The following PYROXD1 variants were observed in gnomAD, a reference collection of about 807,000 sequenced individuals.
PYROXD1 encodes the protein pyridine nucleotide-disulphide oxidoreductase domain 1, also known as tRNA ligase complex-associated NAD(P)H dehydrogenase PYROXD1.
A neutral mutation model predicts 62.0 loss-of-function variants in PYROXD1; 42 were observed. That is an observed-to-expected ratio of 0.68 (90% CI 0.53 to 0.88). The LOEUF is 0.88. Among genes scored for constraint, PYROXD1 ranks in the 40% least tolerant of loss-of-function variants. PYROXD1 has a pLI of 0.00. For missense variants in PYROXD1, 493 were observed against 604.8 expected (o/e 0.82, Z 1.94); for synonymous variants, 170 against 206.4 (o/e 0.82, Z 1.51).
chr12:21,461,250 C>A, intron 8 of PYROXD1, 96 bp downstream of exon 8: 3 of 763,350 alleles, frequency 3.9e-6, no homozygotes, highest in Admixed American at 3.6e-5. Flanking sequence ...CTTCGTATTT[C>A]CATATAAAAT....
chr12:21,458,430 A>T (rs531121670), intron 7 of PYROXD1, among the ~76,000 whole-genome samples: 34 of 152,232 alleles, frequency 2.2e-4, no homozygotes, highest in Non-Finnish European at 4.1e-4. Context: ...TCGCTTTCTC[A>T]TCATTCATGT....
At chr12:21,459,427 T>C (rs1277889610) in intron 7 of PYROXD1, among the ~76,000 whole-genome samples, 1 of 152,200 alleles carries the variant, frequency 6.6e-6, no homozygotes, top group East Asian at 1.9e-4. Flanking sequence ...CATCTGTTTC[T>C]TCGTGACATC....
At position 21,470,505 on chromosome 12, in the gene PYROXD1, T is replaced by G. The variant is rs1942922010; in HGVS notation, c.*1751T>G. On this transcript the variant is annotated 3_prime_UTR_variant, in exon 12 of 12. Transcript: ENST00000240651. The stretch of plus-strand genomic sequence containing the variant: ...TTATCTACAAATTTCTATTCAAATA[T>G]GAGCTCTATTTTGAATAAAAGGGGC... 1.9e-6 allele frequency: 2 copies of G among 1,027,896 alleles called. No homozygotes were observed. The highest frequency in any genetic ancestry group is 4.0e-5 in the South Asian group (2 of 50,226). 63.7% of individuals were successfully genotyped at this position (1,027,896 alleles called of 1,614,324 possible).
At chr12:21,455,044 T>G (rs1200769168) in intron 5 of PYROXD1, 88 bp from the exon 6 acceptor site, 15 of 656,126 alleles carry the variant, frequency 2.3e-5, no homozygotes, top group Non-Finnish European at 3.0e-5. Context: ...TTCCCTACTT[T>G]TGCTTCAGGA....
In PYROXD1 at chr12:21,437,815, G is replaced by C; in HGVS notation, c.84+1G>C. The C allele has an allele frequency of 1.2e-6, 2 of 1,611,720 alleles. No individual in the cohort carries two copies. The highest frequency in any genetic ancestry group is 1.7e-6 in the Non-Finnish European group (2 of 1,179,220). On this transcript the variant is annotated splice_donor_variant, in intron 1 of 11. Transcript: ENST00000240651. LOFTEE classifies it high-confidence loss of function. ...CGCGGGCGTCACTTGTGCGGAGCAGGTAGGGCGGTGCTCAGGCGGTTCCGC... is the reference window on the plus strand; with the variant it reads ...CGCGGGCGTCACTTGTGCGGAGCAGCTAGGGCGGTGCTCAGGCGGTTCCGC...
chr12:21,467,634 A>T lies in PYROXD1; in HGVS notation c.1254+16A>T, dbSNP rs903793253. Reference sequence around the variant, plus strand: ...TAACTATAAGGTAAGATAGTTAAGCATATTAATGCCTTCTCTGCTTGTTAG... The same window carrying T: ...TAACTATAAGGTAAGATAGTTAAGCTTATTAATGCCTTCTCTGCTTGTTAG... On this transcript the variant is annotated intron_variant, in intron 11 of 11. Coordinates refer to ENST00000240651, the MANE Select transcript of PYROXD1 (RefSeq NM_024854.5). 2.5e-6 allele frequency: 4 copies of T among 1,587,680 alleles called. No individual in the cohort carries two copies. The highest frequency in any genetic ancestry group is 2.2e-5 in the East Asian group (1 of 44,474).
chr12:21,440,901 A>G (rs12300138), intron 2 of PYROXD1, among the ~76,000 whole-genome samples: 10 of 152,244 alleles, frequency 6.6e-5, no homozygotes, highest in East Asian at 3.9e-4. Flanking sequence ...TATTTTTTCT[A>G]TATCTGTAGA....
chr12:21,457,211 T>C (rs1942614151), intron 7 of PYROXD1: 1 of 208,440 alleles, frequency 4.8e-6, no homozygotes, highest in African/African-American at 2.4e-5. Context: ...AATGTACTTT[T>C]CCCAGATCCA....
intron 10 of PYROXD1, among the ~76,000 whole-genome samples, chr12:21,464,314 T>C (rs764225541): frequency 6.6e-6 from 1 of 152,150 alleles, no homozygotes; most frequent in African/African-American, 2.4e-5. Context: ...CAGTTCAAGA[T>C]GCAAATTTTC....
At chr12:21,452,957 G>T (rs1210280716) in intron 5 of PYROXD1, among the ~76,000 whole-genome samples, 2 of 152,062 alleles carry the variant, frequency 1.3e-5, no homozygotes, top group Non-Finnish European at 2.9e-5. Flanking sequence ...CCCAGTGGAA[G>T]CCTGTAAGAG....
intron 4 of PYROXD1, among the ~76,000 whole-genome samples, chr12:21,449,938 A>G (rs1942462218): frequency 6.6e-6 from 1 of 151,446 alleles, no homozygotes; most frequent in Non-Finnish European, 1.5e-5. Context: ...GCTCACTGCA[A>G]GCTCCGCCTC....
At chr12:21,465,656 A>G (rs1942779470) in intron 10 of PYROXD1, among the ~76,000 whole-genome samples, 1 of 151,930 alleles carries the variant, frequency 6.6e-6, no homozygotes. Flanking sequence ...ACTGTGCAGA[A>G]GCTCTTTAGT....
intron 2 of PYROXD1, among the ~76,000 whole-genome samples, chr12:21,442,197 G>A (rs1359397848): frequency 2.6e-5 from 4 of 152,192 alleles, no homozygotes; most frequent in Non-Finnish European, 4.4e-5. Flanking sequence ...CTGATAAGTG[G>A]TGCCTATGGA....
intron 1 of PYROXD1, 179 bp downstream of exon 1, chr12:21,437,993 T>C (rs574404491): frequency 7.9e-5 from 49 of 619,758 alleles, no homozygotes; most frequent in South Asian, 4.8e-4. Flanking sequence ...ATGACCTCAC[T>C]AGCTTTCTCT....
rs1207224165 is a variant in PYROXD1 at position 21,470,886 on chromosome 12, T to A, written c.*2132T>A. Reference sequence around the variant, plus strand: ...GACTTTTCTCATGTTCAACTGGACCTAGGGGAATATGACAGAAAAGCATCC... The same window carrying A: ...GACTTTTCTCATGTTCAACTGGACCAAGGGGAATATGACAGAAAAGCATCC... On this transcript the variant is annotated 3_prime_UTR_variant, in exon 12 of 12. Coordinates refer to ENST00000240651, the MANE Select transcript of PYROXD1 (RefSeq NM_024854.5). 1 of 1,004,784 alleles carries A rather than the reference T, an allele frequency of 1.0e-6. No homozygotes were observed. Among genetic ancestry groups the A allele is most frequent in the African/African-American group, 1.7e-5 (1 of 58,750 alleles). The allele number at this position is 1,004,784 out of a possible 1,614,324, so 62.2% of individuals were successfully genotyped here. A position where few individuals can be genotyped will look rare whatever the true frequency, so the allele number is the denominator to read the frequency against.
At chr12:21,439,699 T>G (rs990295975) in intron 1 of PYROXD1, among the ~76,000 whole-genome samples, 6 of 152,294 alleles carry the variant, frequency 3.9e-5, no homozygotes, top group Non-Finnish European at 8.8e-5. Flanking sequence ...AGCCAGATTA[T>G]TGAGGGTGGT....
At chr12:21,451,719 T>C (rs1171844345) in intron 4 of PYROXD1, among the ~76,000 whole-genome samples, 1 of 152,156 alleles carries the variant, frequency 6.6e-6, no homozygotes, top group Non-Finnish European at 1.5e-5. Flanking sequence ...TGAGTAACTC[T>C]AGGGAAACTG....
In PYROXD1 at chr12:21,445,473, T is replaced by C. The variant is rs775364395; in HGVS notation, c.285+7T>C. The C allele has an allele frequency of 1.3e-6, 2 of 1,580,062 alleles. No individual in the cohort carries two copies. The highest frequency in any genetic ancestry group is 1.7e-6 in the Non-Finnish European group (2 of 1,169,936). On this transcript the variant is annotated splice_region_variant and intron_variant, in intron 3 of 11. Coordinates refer to ENST00000240651, the MANE Select transcript of PYROXD1 (RefSeq NM_024854.5). Reference sequence around the variant, plus strand: ...ACTGAAGAGTGAAGAACACGTAAGATAATTGTTTTCTTAATAACATTTTCC... The same window carrying C: ...ACTGAAGAGTGAAGAACACGTAAGACAATTGTTTTCTTAATAACATTTTCC...
At chr12:21,439,266 A>G (rs11046048) in intron 1 of PYROXD1, among the ~76,000 whole-genome samples, 1 of 152,146 alleles carries the variant, frequency 6.6e-6, no homozygotes, top group African/African-American at 2.4e-5. Context: ...GATTAGTTAC[A>G]ATGTATTTGT....
Sources: gnomAD v4.1 joint callset for allele counts (sites outside exome capture counted in the v4.1 genomes callset) on GRCh38, gnomAD v4.1.1 for gene constraint, MANE v1.5 for transcripts, NCBI Gene and HGNC (gene_info 2026-07-23, HGNC 2026-07-21) for gene names.